Variants in PLPP3 observed in about 807,000 individuals in gnomAD.
The protein encoded by PLPP3 is PAP2 beta.
In PLPP3, 6 loss-of-function variants were observed where a neutral mutation model predicts 29.6. That is an observed-to-expected ratio of 0.20 (90% CI 0.11 to 0.40). PLPP3 has a LOEUF of 0.40. PLPP3 is among the 10% of genes least tolerant of loss of function. The pLI, the probability that PLPP3 is intolerant of heterozygous loss-of-function variation, is 1.00. For synonymous variants in PLPP3, 152 were observed against 159.7 expected (o/e 0.95, Z 0.36); for missense variants, 308 against 407.7 (o/e 0.76, Z 2.11).
intron 1 of PLPP3, among the ~76,000 whole-genome samples, chr1:56,541,014 G>A (rs2100271147): frequency 6.6e-6 from 1 of 152,234 alleles, no homozygotes; most frequent in East Asian, 1.9e-4. Flanking sequence ...ATACATCATA[G>A]TACCTGCCCC....
At chr1:56,507,670 T>A (rs1444438308) in intron 5 of PLPP3, among the ~76,000 whole-genome samples, 1 of 152,152 alleles carries the variant, frequency 6.6e-6, no homozygotes, top group Non-Finnish European at 1.5e-5. Flanking sequence ...GATGCCCGCA[T>A]CCTAAGTCCC....
chr1:56,518,715 T>TTTTATATA (rs1553136509), intron 4 of PLPP3, among the ~76,000 whole-genome samples: 18 of 126,672 alleles, frequency 1.4e-4, no homozygotes, highest in South Asian at 8.7e-4. Flanking sequence ...TTTTAATCAT[T>TTTTATATA]TATATATATA....
chr1:56,559,194 G>A (rs982489084), intron 1 of PLPP3, among the ~76,000 whole-genome samples: 15 of 152,158 alleles, frequency 9.9e-5, no homozygotes, highest in East Asian at 1.9e-4. Flanking sequence ...GAGCGGGTGC[G>A]TTAGCAGAGG....
At chr1:56,516,529 A>T (rs1180192631) in intron 4 of PLPP3, among the ~76,000 whole-genome samples, 1 of 152,126 alleles carries the variant, frequency 6.6e-6, no homozygotes, top group Non-Finnish European at 1.5e-5. Context: ...CAAAACCTGA[A>T]AGTCTAATCA....
intron 1 of PLPP3, among the ~76,000 whole-genome samples, chr1:56,555,442 A>AC (rs1646069009): frequency 6.8e-6 from 1 of 147,348 alleles, no homozygotes; most frequent in African/African-American, 2.5e-5. Flanking sequence ...CTAAAAAAAA[A>AC]AAAAAAAAAA....
intron 1 of PLPP3, among the ~76,000 whole-genome samples, chr1:56,560,808 G>T (rs1372266808): frequency 6.7e-6 from 1 of 149,096 alleles, no homozygotes; most frequent in South Asian, 2.1e-4. Context: ...CCTTCAGGGG[G>T]TTTTCCTCTC....
At chr1:56,574,134 A>C (rs896841834) in intron 1 of PLPP3, among the ~76,000 whole-genome samples, 7 of 150,338 alleles carry the variant, frequency 4.7e-5, no homozygotes, top group African/African-American at 1.7e-4. Flanking sequence ...CGGGAGGCAG[A>C]GGTTGCAGCG....
At chr1:56,502,561 T>C (rs1209603080) in intron 5 of PLPP3, among the ~76,000 whole-genome samples, 1 of 152,216 alleles carries the variant, frequency 6.6e-6, no homozygotes, top group East Asian at 1.9e-4. Context: ...GTGGACAATC[T>C]GTGGAGATGA....
At chr1:56,507,222 G>A (rs1041295677) in intron 5 of PLPP3, among the ~76,000 whole-genome samples, 1 of 152,154 alleles carries the variant, frequency 6.6e-6, no homozygotes, top group Non-Finnish European at 1.5e-5. Context: ...GCATTCTAGG[G>A]TTAATGCACT....
At chr1:56,521,211 A>C (rs1295522780) in intron 4 of PLPP3, among the ~76,000 whole-genome samples, 1 of 137,054 alleles carries the variant, frequency 7.3e-6, no homozygotes, top group African/African-American at 2.7e-5. Flanking sequence ...CTCCATCCTG[A>C]GTGACAGAAT....
intron 1 of PLPP3, among the ~76,000 whole-genome samples, chr1:56,540,458 C>T (rs1645960728): frequency 6.6e-6 from 1 of 152,060 alleles, no homozygotes; most frequent in Non-Finnish European, 1.5e-5. Flanking sequence ...AAAAGCCTCA[C>T]AGAGAAGGCA....
intron 5 of PLPP3, among the ~76,000 whole-genome samples, chr1:56,508,346 G>C (rs953793338): frequency 5.3e-5 from 8 of 152,192 alleles, no homozygotes; most frequent in Non-Finnish European, 2.9e-5. Flanking sequence ...CTCCAGCTTT[G>C]CTACCTTCTC....
chr1:56,579,184 A>G lies in PLPP3; in HGVS notation c.-168T>C. On this transcript the variant is annotated 5_prime_UTR_variant, in exon 1 of 6. Coordinates refer to ENST00000371250, the MANE Select transcript of PLPP3 (RefSeq NM_003713.5). ...GTGCAGCCGGGGCTGCCTGCCTCCAACTGCAGAAGGTGGTGTTTTCTGCTC... is the reference window on the plus strand; with the variant it reads ...GTGCAGCCGGGGCTGCCTGCCTCCAGCTGCAGAAGGTGGTGTTTTCTGCTC... The G allele has an allele frequency of 1.3e-6, 1 of 781,082 alleles. No homozygotes were observed. Among genetic ancestry groups the G allele is most frequent in the Admixed American group, 3.6e-5 (1 of 28,030 alleles). The allele number at this position is 781,082 out of a possible 1,614,324, so 48.4% of individuals were successfully genotyped here.
In PLPP3 at chr1:56,524,257, A is replaced by T; in HGVS notation, c.575+20T>A. The T allele has an allele frequency of 6.2e-7, 1 of 1,612,294 alleles. No individual in the cohort carries two copies. On this transcript the variant is annotated intron_variant, in intron 3 of 5. Transcript: ENST00000371250. The surrounding 1 kb of genome is among the most constrained non-coding windows in gnomAD (Gnocchi z 4.3). ...TATGAAAGGGGTCCAGGCTCTGGCC[A>T]TGCGGAGGTGGTGTCTCACCTGGCT...
In PLPP3 at chr1:56,524,535, T is replaced by G. The variant is rs751819679; in HGVS notation, c.317A>C (p.Tyr106Ser). The G allele has an allele frequency of 5.0e-6, 8 of 1,610,344 alleles. No homozygotes were observed. Among genetic ancestry groups the G allele is most frequent in the Non-Finnish European group, 6.8e-6 (8 of 1,176,838 alleles). The change falls in exon 3 of 6, where the codon TAC becomes TCC. Residue 106 changes from tyrosine to serine, a missense_variant. This residue lies in a region of PLPP3 where 232 missense variants were observed against 317.2 expected (regional missense o/e 0.73). Transcript: ENST00000371250. The surrounding 1 kb of genome is among the most constrained non-coding windows in gnomAD (Gnocchi z 4.3). ...AILAIITGEFYRIYYLKKSRS... is the reference protein window; with the variant it reads ...AILAIITGEFSRIYYLKKSRS... ...CGACTTCTTCAGGTAATAGATCCGG[T>G]AGAATTCCCCCGTGATGATCTAAAA...
Position 56,566,033 on chromosome 1 carries a change from T to C in PLPP3, c.139+12845A>G, listed in dbSNP as rs541317121. Among the ~76,000 whole-genome samples the C allele has an allele frequency of 5.8e-4, 89 of 152,380 alleles. 1 individual carries two copies. Among genetic ancestry groups the C allele is most frequent in the African/African-American group, 2.1e-3 (88 of 41,596 alleles). ...TCACATCACAAACACAGCATGCTGA[T>C]ACTTTGACTAGTCTAGGCAGAGGCT... On this transcript the variant is annotated intron_variant, in intron 1 of 5. Transcript: ENST00000371250.
At chr1:56,538,676 T>C (rs1645945570) in intron 1 of PLPP3, 2 of 270,610 alleles carry the variant, frequency 7.4e-6, no homozygotes, top group African/African-American at 2.5e-5. Context: ...GTTGGTACTG[T>C]TGTAAACAAA....
intron 1 of PLPP3, among the ~76,000 whole-genome samples, chr1:56,557,863 C>T (rs1025628756): frequency 1.3e-5 from 2 of 152,162 alleles, no homozygotes. Context: ...TGCAAGTCCC[C>T]GGGGCGCTTT....
chr1:56,520,226 C>G (rs182885580), intron 4 of PLPP3, among the ~76,000 whole-genome samples: 3 of 152,170 alleles, frequency 2.0e-5, no homozygotes, highest in Admixed American at 2.0e-4. Context: ...TGCTGAGGCT[C>G]TAAAGCTATG....
Sources: gnomAD v4.1 joint callset for allele counts (sites outside exome capture counted in the v4.1 genomes callset) on GRCh38, gnomAD v4.1.1 for gene constraint, gnomAD v4.1.1 regional missense constraint, Gnocchi (gnomAD v3.1) non-coding constraint, MANE v1.5 for transcripts, NCBI Gene and HGNC (gene_info 2026-07-23, HGNC 2026-07-21) for gene names.